The following RBMS3 variants were observed in gnomAD, a reference collection of about 807,000 sequenced individuals.
The protein encoded by RBMS3 is RNA-binding motif, single-stranded-interacting protein 3.
RBMS3 carries 27 observed loss-of-function variants against 66.8 expected under a neutral mutation model. That is an observed-to-expected ratio of 0.40 (90% CI 0.30 to 0.56). The LOEUF is 0.56. Among genes scored for constraint, RBMS3 ranks in the 20% least tolerant of loss-of-function variants. The probability of loss-of-function intolerance (pLI) is 0.40; values close to 1 mark genes in which losing one functional copy is unlikely to be tolerated. For missense variants in RBMS3, 513 were observed against 549.5 expected (o/e 0.93, Z 0.66); for synonymous variants, 188 against 183.0 (o/e 1.03, Z -0.22).
intron 4 of RBMS3, among the ~76,000 whole-genome samples, chr3:29,628,155 C>T (rs1576393598): frequency 1.3e-5 from 2 of 152,218 alleles, no homozygotes; most frequent in East Asian, 3.9e-4. Context: ...TGAGAGGGAA[C>T]TCTTGCACAG....
chr3:29,323,756 T>A (rs1050699641), intron 1 of RBMS3, among the ~76,000 whole-genome samples: 4 of 151,596 alleles, frequency 2.6e-5, no homozygotes, highest in Middle Eastern at 3.2e-3. Context: ...GATGCAATTT[T>A]AAAAATCAAT....
intron 3 of RBMS3, among the ~76,000 whole-genome samples, chr3:29,585,635 C>T (rs775359091): frequency 2.6e-5 from 4 of 152,106 alleles, no homozygotes; most frequent in Non-Finnish European, 5.9e-5. Context: ...TGAGAGATGA[C>T]ATCCAGATTA....
chr3:29,319,109 G>A (rs1018457199), intron 1 of RBMS3, among the ~76,000 whole-genome samples: 5 of 151,944 alleles, frequency 3.3e-5, no homozygotes, highest in African/African-American at 1.2e-4. Context: ...TAAGGATCCA[G>A]CCAGAGATCA....
intron 6 of RBMS3, among the ~76,000 whole-genome samples, chr3:29,763,208 A>G (rs2055772932): frequency 1.3e-5 from 2 of 152,114 alleles, no homozygotes; most frequent in South Asian, 2.1e-4. Flanking sequence ...AACTTTCTAA[A>G]GTGGATTAGA....
In RBMS3 at chr3:29,420,485, T is replaced by G. The variant is rs142347024; in HGVS notation, c.76-14258T>G. Among the ~76,000 whole-genome samples the G allele has an allele frequency of 3.4e-3, 521 of 152,300 alleles. 2 individuals are homozygous for G. The highest frequency in any genetic ancestry group is 0.011 in the African/African-American group (452 of 41,576). On this transcript the variant is annotated intron_variant, in intron 1 of 14. Transcript: ENST00000383767. ...GCTAGGACCACTTGTGAGAGCTGATTGTTAAATTCTCCGAAATGACGTGAC... is the reference window on the plus strand; with the variant it reads ...GCTAGGACCACTTGTGAGAGCTGATGGTTAAATTCTCCGAAATGACGTGAC...
At chr3:29,455,433 G>T (rs932596332) in intron 2 of RBMS3, among the ~76,000 whole-genome samples, 19 of 143,254 alleles carry the variant, frequency 1.3e-4, no homozygotes, top group African/African-American at 4.2e-4. Context: ...TGAAGTCACC[G>T]CAAACACTGG....
chr3:29,338,384 G>T (rs898523829), intron 1 of RBMS3, among the ~76,000 whole-genome samples: 5 of 152,118 alleles, frequency 3.3e-5, no homozygotes, highest in Non-Finnish European at 7.4e-5. Context: ...TTTGCCTTCA[G>T]CCCAACAATA....
chr3:29,757,378 C>G (rs2055467145), intron 5 of RBMS3, among the ~76,000 whole-genome samples: 1 of 152,206 alleles, frequency 6.6e-6, no homozygotes, highest in South Asian at 2.1e-4. Flanking sequence ...TGTGAAATCT[C>G]CCAAGTTTCA....
At chr3:29,352,075 A>G (rs1243138926) in intron 1 of RBMS3, among the ~76,000 whole-genome samples, 2 of 151,938 alleles carry the variant, frequency 1.3e-5, no homozygotes, top group African/African-American at 2.4e-5. Flanking sequence ...GAATTCTTCT[A>G]TTTTTTACAT....
intron 1 of RBMS3, among the ~76,000 whole-genome samples, chr3:29,338,825 C>T (rs2036113900): frequency 6.6e-6 from 1 of 151,922 alleles, no homozygotes; most frequent in East Asian, 1.9e-4. Flanking sequence ...TAAGAACCAC[C>T]GTATCAGCTA....
At chr3:29,341,748 T>A (rs1487102108) in intron 1 of RBMS3, among the ~76,000 whole-genome samples, 1 of 152,160 alleles carries the variant, frequency 6.6e-6, no homozygotes, top group Non-Finnish European at 1.5e-5. Context: ...TATAATCCTT[T>A]ATAAGAATTT....
At chr3:29,736,524 C>T (rs374295978) in intron 4 of RBMS3, among the ~76,000 whole-genome samples, 3 of 152,058 alleles carry the variant, frequency 2.0e-5, no homozygotes, top group African/African-American at 4.8e-5. Flanking sequence ...GAGACAATGG[C>T]GTAGACTGTA....
chr3:29,761,755 C>A lies in RBMS3; in HGVS notation c.558-1155C>A, dbSNP rs75636249. On this transcript the variant is annotated intron_variant, in intron 5 of 14. Transcript: ENST00000383767. ...ATTTAGATGTAGGAAAGTTTTACAA[C>A]TTGAGTTGATGGGCACCATTCCAAG... 2.5e-3 allele frequency among the ~76,000 whole-genome samples: 382 copies of A among 152,192 alleles called. 3 individuals carry two copies. Among genetic ancestry groups the A allele is most frequent in the African/African-American group, 8.5e-3 (352 of 41,534 alleles).
chr3:29,594,824 A>G (rs2047886467), intron 4 of RBMS3, among the ~76,000 whole-genome samples: 1 of 152,204 alleles, frequency 6.6e-6, no homozygotes, highest in South Asian at 2.1e-4. Context: ...GAAGTTTTTG[A>G]AGCAGACTCA....
chr3:29,705,734 T>A (rs1238557750), intron 4 of RBMS3, among the ~76,000 whole-genome samples: 1 of 152,176 alleles, frequency 6.6e-6, no homozygotes, highest in Non-Finnish European at 1.5e-5. Context: ...CATAATTACA[T>A]CACAGGGTTG....
chr3:29,835,828 C>T (rs188753042), intron 6 of RBMS3, among the ~76,000 whole-genome samples: 10 of 151,558 alleles, frequency 6.6e-5, no homozygotes, highest in African/African-American at 2.2e-4. Flanking sequence ...ATCCACAAAA[C>T]TAAGAATTAC....
intron 4 of RBMS3, chr3:29,616,389 G>A (rs2048674374): frequency 6.5e-6 from 1 of 152,758 alleles, no homozygotes; most frequent in Admixed American, 6.5e-5. Flanking sequence ...GGGAGGCTGA[G>A]GCAGGAGAAT....
chr3:29,438,862 A>T (rs1273844119), intron 2 of RBMS3, among the ~76,000 whole-genome samples: 1 of 152,224 alleles, frequency 6.6e-6, no homozygotes, highest in Non-Finnish European at 1.5e-5. Flanking sequence ...AATTAAATAT[A>T]TGATCTGATA....
intron 1 of RBMS3, among the ~76,000 whole-genome samples, chr3:29,346,079 C>T (rs78572133): frequency 0.024 from 3,694 of 152,244 alleles, 61 homozygotes; most frequent in Non-Finnish European, 0.036. Flanking sequence ...TGGGCATAGG[C>T]GTGCAGCCAC....
Sources: gnomAD v4.1 joint callset for allele counts (sites outside exome capture counted in the v4.1 genomes callset) on GRCh38, gnomAD v4.1.1 for gene constraint, MANE v1.5 for transcripts, NCBI Gene and HGNC (gene_info 2026-07-23, HGNC 2026-07-21) for gene names.